The following FBN1 variants were observed in gnomAD, a reference collection of about 807,000 sequenced individuals.
The protein encoded by FBN1 is fibrillin-1.
In FBN1, 29 loss-of-function variants were observed where a neutral mutation model predicts 365.1. The ratio of observed to expected loss-of-function variants is 0.08; its 90% CI spans 0.06 to 0.11. The LOEUF is 0.11. Among genes scored for constraint, FBN1 ranks in the 10% least tolerant of loss-of-function variants. FBN1 has a pLI of 1.00. For missense variants in FBN1, 2,476 were observed against 3,703.2 expected (o/e 0.67, Z 8.60); for synonymous variants, 1,210 against 1,270.5 (o/e 0.95, Z 1.01).
intron 2 of FBN1, among the ~76,000 whole-genome samples, chr15:48,616,948 G>A (rs1417581005): frequency 2.6e-5 from 4 of 152,010 alleles, no homozygotes; most frequent in Admixed American, 2.6e-4. Flanking sequence ...AAACAACCTG[G>A]CCAAGGTCAC....
chr15:48,445,722 G>A (rs2043153547), intron 47 of FBN1, among the ~76,000 whole-genome samples: 1 of 152,040 alleles, frequency 6.6e-6, no homozygotes, highest in South Asian at 2.1e-4. Context: ...TATTATATTA[G>A]AGACTGACAA....
intron 6 of FBN1, among the ~76,000 whole-genome samples, chr15:48,581,295 C>A (rs2044390214): frequency 6.6e-6 from 1 of 152,102 alleles, no homozygotes; most frequent in African/African-American, 2.4e-5. Flanking sequence ...ATACGTGCAG[C>A]AAGAAAACAA....
chr15:48,479,135 C>A (rs773663389), intron 32 of FBN1, among the ~76,000 whole-genome samples: 1 of 152,162 alleles, frequency 6.6e-6, no homozygotes, highest in African/African-American at 2.4e-5. Context: ...TTAGCAAAGC[C>A]ATCACCAAGG....
chr15:48,515,589 A>C, intron 11 of FBN1, 62 bp from the exon 12 acceptor site: 1 of 1,588,714 alleles, frequency 6.3e-7, no homozygotes, highest in Non-Finnish European at 8.6e-7. Context: ...TCAGTACTTA[A>C]TCTGACAATA....
chr15:48,546,574 C>G (rs1329227477), intron 6 of FBN1, among the ~76,000 whole-genome samples: 1 of 152,130 alleles, frequency 6.6e-6, no homozygotes, highest in Non-Finnish European at 1.5e-5. Flanking sequence ...AGGTTGGATC[C>G]TTTGGCAGGG....
At chr15:48,575,841 A>C (rs2044342808) in intron 6 of FBN1, among the ~76,000 whole-genome samples, 1 of 148,514 alleles carries the variant, frequency 6.7e-6, no homozygotes, top group South Asian at 2.1e-4. Context: ...ACACACACAC[A>C]CACCATGGAA....
rs757105054 is a variant in FBN1 at position 48,515,483 on chromosome 15, A to C, written c.1372T>G (p.Tyr458Asp). 1 of 1,614,072 alleles carries C rather than the reference A, an allele frequency of 6.2e-7. No homozygotes were observed. Among genetic ancestry groups the C allele is most frequent in the Admixed American group, 1.7e-5 (1 of 60,026 alleles). ...ATGCAGCGTCCATTTTGACAGAGAT[A>C]GCGGACCAACTGGCAGTAATCAGTA... The part of the protein sequence containing the change: ...NVTDYCQLVR[Y>D]LCQNGRCIPT... Residue 458 changes from tyrosine to aspartate, a missense_variant, in exon 12 of 66, where the codon TAT (tyrosine) becomes GAT (aspartate). Around this residue, in one of 5 missense-constraint regions of FBN1, gnomAD observed 421 missense variants for 520.1 expected, o/e 0.81. Coordinates refer to ENST00000316623, the MANE Select transcript of FBN1 (RefSeq NM_000138.5).
intron 2 of FBN1, among the ~76,000 whole-genome samples, chr15:48,623,915 C>G (rs969489047): frequency 4.6e-5 from 7 of 151,806 alleles, no homozygotes; most frequent in African/African-American, 1.7e-4. Context: ...CACATGCACC[C>G]TCCTCCCCAA....
rs529963589 is a variant in FBN1 at position 48,490,489 on chromosome 15, T to C, written c.2855-411A>G. Reference sequence around the variant, plus strand: ...GTACTCTTTATTGTTGGAGCGTGTCTGCCCTAGTGCAATCACCTTTTCCTC... The same window carrying C: ...GTACTCTTTATTGTTGGAGCGTGTCCGCCCTAGTGCAATCACCTTTTCCTC... On this transcript the variant is annotated intron_variant, in intron 24 of 65. Transcript: ENST00000316623. Among the ~76,000 whole-genome samples, 8 of 152,372 alleles carry C rather than the reference T, an allele frequency of 5.3e-5. No individual in the cohort carries two copies. The South Asian group carries it at 1.7e-3, about 32-fold the overall frequency.
chr15:48,427,142 T>C (rs759413037), intron 58 of FBN1, among the ~76,000 whole-genome samples: 14 of 152,236 alleles, frequency 9.2e-5, no homozygotes, highest in Non-Finnish European at 1.8e-4. Context: ...TTGTGTCTAA[T>C]TGCCAGGATA....
chr15:48,474,009 T>C (rs2043398309), intron 34 of FBN1, among the ~76,000 whole-genome samples: 1 of 152,180 alleles, frequency 6.6e-6, no homozygotes, highest in Non-Finnish European at 1.5e-5. Context: ...GTAAATGATG[T>C]GATAATGGCA....
At chr15:48,584,992 G>A (rs1210792864) in intron 6 of FBN1, among the ~76,000 whole-genome samples, 2 of 152,138 alleles carry the variant, frequency 1.3e-5, no homozygotes, top group African/African-American at 2.4e-5. Context: ...GCCTTTTAAC[G>A]TTCACGAGTC....
intron 6 of FBN1, among the ~76,000 whole-genome samples, chr15:48,585,054 A>T (rs1048260979): frequency 2.6e-5 from 4 of 152,348 alleles, no homozygotes; most frequent in African/African-American, 9.6e-5. Flanking sequence ...GATCATTTCC[A>T]TTGGGACTTC....
chr15:48,523,942 G>A (rs901814858), intron 9 of FBN1, among the ~76,000 whole-genome samples: 1 of 152,100 alleles, frequency 6.6e-6, no homozygotes, highest in Non-Finnish European at 1.5e-5. Flanking sequence ...TTATTCTCAG[G>A]ACCCAGAAAT....
chr15:48,412,223 C>T (rs186545569), intron 65 of FBN1, among the ~76,000 whole-genome samples: 330 of 152,298 alleles, frequency 2.2e-3, no homozygotes, highest in South Asian at 3.7e-3. Context: ...CTTGGCATTC[C>T]TATGTAGGGA....
rs185167226 is a variant in FBN1, at chr15:48,508,351, C to T, written c.1837+231G>A. The stretch of plus-strand genomic sequence containing the variant: ...TATTTATTTGCTACATAGCTTTTGA[C>T]TCCTTTGAGAAGACCTCAAATACCC... On this transcript the variant is annotated intron_variant, in intron 15 of 65. Transcript: ENST00000316623. Among the ~76,000 whole-genome samples, 90 of 152,326 alleles carry T rather than the reference C, an allele frequency of 5.9e-4. 1 individual carries two copies. The East Asian group carries it at 0.011, about 19-fold the overall frequency.
chr15:48,437,218 T>C, intron 52 of FBN1, 104 bp downstream of exon 52: 1 of 1,224,508 alleles, frequency 8.2e-7, no homozygotes, highest in Non-Finnish European at 1.2e-6. Flanking sequence ...GACAAAAAAG[T>C]AGCACTTAAT....
At chr15:48,485,561 G>A (rs987643239) in intron 29 of FBN1, 65 bp from the exon 30 acceptor site, 28 of 1,576,378 alleles carry the variant, frequency 1.8e-5, no homozygotes, top group Admixed American at 3.4e-5. Flanking sequence ...TCCAATACTC[G>A]TGTTGAAATT....
chr15:48,508,266 G>T (rs912456598), intron 15 of FBN1, among the ~76,000 whole-genome samples: 4 of 152,186 alleles, frequency 2.6e-5, no homozygotes, highest in Non-Finnish European at 5.9e-5. Flanking sequence ...AGAAGAGGTA[G>T]AACTCAGCTT....
Sources: gnomAD v4.1 joint callset for allele counts (sites outside exome capture counted in the v4.1 genomes callset) on GRCh38, gnomAD v4.1.1 for gene constraint, gnomAD v4.1.1 regional missense constraint, MANE v1.5 for transcripts, NCBI Gene and HGNC (gene_info 2026-07-23, HGNC 2026-07-21) for gene names.